The following ITPR2 variants were observed in gnomAD, a reference collection of about 807,000 sequenced individuals.
ITPR2 encodes inositol 1,4,5-trisphosphate receptor type 2.
ITPR2 carries 207 observed loss-of-function variants against 317.1 expected under a neutral mutation model. That is an observed-to-expected ratio of 0.65 (90% CI 0.58 to 0.73). The LOEUF is 0.73. Among genes scored for constraint, ITPR2 ranks in the 30% least tolerant of loss-of-function variants. The pLI is 0.00. For missense variants in ITPR2, 2,613 were observed against 3,284.0 expected, an observed-to-expected ratio of 0.80 and a Z score of 4.99; for synonymous variants, 1,156 against 1,149.1, an observed-to-expected ratio of 1.01 and a Z score of -0.12.
chr12:26,801,945 T>C (rs1220751871), intron 1 of ITPR2, among the ~76,000 whole-genome samples: 1 of 149,864 alleles, frequency 6.7e-6, no homozygotes, highest in Admixed American at 6.6e-5. Context: ...CATAGGCTAT[T>C]TACAAGAGTC....
At chr12:26,417,138 CT>C (rs34444256) in intron 50 of ITPR2, among the ~76,000 whole-genome samples, 19,462 of 151,966 alleles carry the variant, frequency 0.13, 1,921 homozygotes, top group East Asian at 0.37. Context: ...TATAAAAAAT[CT>C]TTTAAAAATA....
Position 26,399,841 on chromosome 12 carries a change from T to C in ITPR2, c.7530+287A>G, listed in dbSNP as rs561603723. 7.2e-5 allele frequency among the ~76,000 whole-genome samples: 11 copies of C among 152,358 alleles called. No individual in the cohort carries two copies. The South Asian group carries it at 2.1e-3, about 29-fold the overall frequency. On this transcript the variant is annotated intron_variant, in intron 53 of 56. Coordinates refer to ENST00000381340, the MANE Select transcript of ITPR2 (RefSeq NM_002223.4). ...GGCAACCTCGTTTATGTTATTTGTG[T>C]AACAATCAACTCCTATATAAAGTTC...
At chr12:26,377,967 T>A (rs185023802) in intron 55 of ITPR2, among the ~76,000 whole-genome samples, 9 of 152,282 alleles carry the variant, frequency 5.9e-5, no homozygotes, top group Admixed American at 5.9e-4. Context: ...TCGGTGAAAC[T>A]GTCCTTAGTG....
chr12:26,760,882 G>A (rs1392255233), intron 2 of ITPR2, among the ~76,000 whole-genome samples: 1 of 152,196 alleles, frequency 6.6e-6, no homozygotes, highest in African/African-American at 2.4e-5. Flanking sequence ...CCAGAACAAT[G>A]ATTTATAATC....
rs529941269 is a variant in ITPR2 at position 26,390,485 on chromosome 12, A to G, written c.7697-2891T>C. 2.6e-5 allele frequency among the ~76,000 whole-genome samples: 4 copies of G among 152,328 alleles called. No individual in the cohort carries two copies. In the South Asian group the frequency reaches 8.3e-4, roughly 32 times the overall value. ...ACCTTTAAAACATCCTACTAAGTGA[A>G]AGAAGCTAGGTGCAAAAGCCCACAT... On this transcript the variant is annotated intron_variant, in intron 54 of 56. Coordinates refer to ENST00000381340, the MANE Select transcript of ITPR2 (RefSeq NM_002223.4).
intron 34 of ITPR2, among the ~76,000 whole-genome samples, chr12:26,569,870 T>C (rs966895667): frequency 1.3e-5 from 2 of 152,216 alleles, no homozygotes; most frequent in Non-Finnish European, 2.9e-5. Context: ...GAACAATCTC[T>C]ACAGAGGGCA....
At chr12:26,826,377 A>G (rs1951009787) in intron 1 of ITPR2, among the ~76,000 whole-genome samples, 1 of 152,240 alleles carries the variant, frequency 6.6e-6, no homozygotes, top group Non-Finnish European at 1.5e-5. Context: ...TTGAGGGACT[A>G]TAATTGGGAA....
chr12:26,708,274 A>G (rs1305270438), intron 9 of ITPR2, among the ~76,000 whole-genome samples: 1 of 152,204 alleles, frequency 6.6e-6, no homozygotes, highest in Admixed American at 6.5e-5. Context: ...GGAAATCAGT[A>G]TATGGAAGAG....
chr12:26,527,472 T>C (rs1224760787), intron 37 of ITPR2, among the ~76,000 whole-genome samples: 1 of 152,260 alleles, frequency 6.6e-6, no homozygotes, highest in Admixed American at 6.5e-5. Flanking sequence ...GGGGAATCCC[T>C]TTCAGTTCAG....
intron 13 of ITPR2, among the ~76,000 whole-genome samples, chr12:26,672,476 G>A (rs1225332903): frequency 6.6e-6 from 1 of 151,698 alleles, no homozygotes; most frequent in Non-Finnish European, 1.5e-5. Context: ...AATGAAGGCA[G>A]AAATAAAGAT....
At chr12:26,365,224 G>C (rs889622562) in intron 55 of ITPR2, among the ~76,000 whole-genome samples, 1 of 152,040 alleles carries the variant, frequency 6.6e-6, no homozygotes, top group Non-Finnish European at 1.5e-5. Context: ...GAAAATGAAC[G>C]GTGTCACTAC....
Position 26,404,292 on chromosome 12 carries a change from G to T in ITPR2, c.7400-4034C>A, listed in dbSNP as rs550797509. 9.8e-5 allele frequency among the ~76,000 whole-genome samples: 15 copies of T among 152,306 alleles called. No individual in the cohort carries two copies. In the South Asian group the frequency reaches 2.5e-3, roughly 25 times the overall value. ...AAAAGGATCGTCCCATTAGACCATA[G>T]AAATAGACCATTTAGAAGGAAGAAC... On this transcript the variant is annotated intron_variant, in intron 52 of 56. Coordinates refer to ENST00000381340, the MANE Select transcript of ITPR2 (RefSeq NM_002223.4).
intron 32 of ITPR2, among the ~76,000 whole-genome samples, chr12:26,581,164 A>G (rs1945394668): frequency 6.6e-6 from 1 of 152,202 alleles, no homozygotes; most frequent in Non-Finnish European, 1.5e-5. Flanking sequence ...CAAAAGAATA[A>G]GTCAATGTCA....
At chr12:26,562,139 G>A (rs985643738) in intron 34 of ITPR2, among the ~76,000 whole-genome samples, 187 bp from the exon 35 acceptor site, 12 of 152,310 alleles carry the variant, frequency 7.9e-5, no homozygotes, top group East Asian at 3.9e-4. Context: ...AATTAGTAAA[G>A]TGGGTTCATG....
intron 45 of ITPR2, among the ~76,000 whole-genome samples, chr12:26,454,037 TG>T (rs1271400679): frequency 6.6e-6 from 1 of 152,092 alleles, no homozygotes. Context: ...GATGGATGGA[TG>T]GATGGACGGA....
chr12:26,688,437 G>A (rs1049875748), intron 10 of ITPR2, among the ~76,000 whole-genome samples: 1 of 152,144 alleles, frequency 6.6e-6, no homozygotes, highest in Middle Eastern at 3.4e-3. Context: ...AGAGAGAAAG[G>A]TAAGCATTAT....
intron 32 of ITPR2, among the ~76,000 whole-genome samples, chr12:26,591,616 G>A (rs1311439540): frequency 6.6e-6 from 1 of 152,000 alleles, no homozygotes; most frequent in African/African-American, 2.4e-5. Context: ...GATCACTTGA[G>A]GTCAGGAGTT....
At chr12:26,814,455 A>T (rs573331482) in intron 1 of ITPR2, among the ~76,000 whole-genome samples, 1 of 152,358 alleles carries the variant, frequency 6.6e-6, no homozygotes, top group Non-Finnish European at 1.5e-5. Context: ...AAAATAAATT[A>T]AAAATTACAA....
At chr12:26,815,081 G>A (rs1309977797) in intron 1 of ITPR2, among the ~76,000 whole-genome samples, 1 of 152,208 alleles carries the variant, frequency 6.6e-6, no homozygotes, top group Non-Finnish European at 1.5e-5. Context: ...GCTCATGCCT[G>A]TAATCCCAGC....
Sources: gnomAD v4.1 joint callset for allele counts (sites outside exome capture counted in the v4.1 genomes callset) on GRCh38, gnomAD v4.1.1 for gene constraint, MANE v1.5 for transcripts, NCBI Gene and HGNC (gene_info 2026-07-23, HGNC 2026-07-21) for gene names.